The following PIK3C2G variants were observed in gnomAD, a reference collection of about 807,000 sequenced individuals.
The protein encoded by PIK3C2G is phosphatidylinositol-4-phosphate 3-kinase catalytic subunit type 2 gamma.
PIK3C2G carries 168 observed loss-of-function variants against 181.1 expected under a neutral mutation model. The observed-to-expected ratio is 0.93, with a 90% CI of 0.82 to 1.05. PIK3C2G has a LOEUF of 1.05. Ranked by LOEUF, PIK3C2G falls within the 50% of genes least tolerant of loss-of-function variation. The pLI, the probability that PIK3C2G is intolerant of heterozygous loss-of-function variation, is 0.00. For synonymous variants in PIK3C2G, 573 were observed against 592.2 expected (o/e 0.97, Z 0.47); for missense variants, 1,869 against 1,732.8 (o/e 1.08, Z -1.40).
chr12:18,690,149 GAT>G, the PIK3C2G span, among the ~76,000 whole-genome samples: 1 of 152,124 alleles, frequency 6.6e-6, no homozygotes, highest in Non-Finnish European at 1.5e-5. Context: ...AATGAACCTA[GAT>G]ATATTGGGCA....
At position 18,346,716 on chromosome 12, in the gene PIK3C2G, A is replaced by G. The variant is rs752464101; in HGVS notation, c.1505A>G (p.Tyr502Cys). ...QLINVYCNSFYADFQPVNVPR... is the reference protein window; with the variant it reads ...QLINVYCNSFCADFQPVNVPR... ...ATCAATGTCTACTGTAACAGCTTTT[A>G]TGCAGATTTTCAGCCTGTAAATGTA... is the stretch of plus-strand genomic sequence containing the variant. The change falls in exon 11 of 33, where the codon TAT becomes TGT. Residue 502 changes from tyrosine to cysteine, a missense_variant. Transcript: ENST00000538779. The G allele has an allele frequency of 1.6e-5, 26 of 1,613,318 alleles. No homozygotes were observed. Among genetic ancestry groups the G allele is most frequent in the Non-Finnish European group, 2.1e-5 (25 of 1,179,474 alleles).
chr12:18,634,668 C>T (rs971898236), intron 31 of PIK3C2G, among the ~76,000 whole-genome samples: 12 of 152,102 alleles, frequency 7.9e-5, no homozygotes, highest in Non-Finnish European at 5.9e-5. Flanking sequence ...AATAAAAGTC[C>T]GTGTTGCTGA....
At chr12:18,535,311 A>T (rs1657607532) in intron 24 of PIK3C2G, among the ~76,000 whole-genome samples, 1 of 152,124 alleles carries the variant, frequency 6.6e-6, no homozygotes, top group South Asian at 2.1e-4. Context: ...TATAGAAAAG[A>T]TACAGAATTT....
intron 16 of PIK3C2G, among the ~76,000 whole-genome samples, chr12:18,406,077 G>A (rs934453368): frequency 6.6e-6 from 1 of 151,832 alleles, no homozygotes; most frequent in African/African-American, 2.4e-5. Flanking sequence ...TTTCCATTCC[G>A]TTTTTATGAC....
At chr12:18,596,746 T>C (rs1438834859) in intron 30 of PIK3C2G, among the ~76,000 whole-genome samples, 1 of 152,062 alleles carries the variant, frequency 6.6e-6, no homozygotes, top group African/African-American at 2.4e-5. Context: ...AAAGAGAACT[T>C]GAGGCCATGC....
chr12:18,663,327 T>C, the PIK3C2G span, among the ~76,000 whole-genome samples: 2 of 152,066 alleles, frequency 1.3e-5, no homozygotes, highest in African/African-American at 4.8e-5. Context: ...TAGAAAACCA[T>C]GAGTCCAGAA....
At chr12:18,617,489 T>A (rs752509614) in intron 31 of PIK3C2G, among the ~76,000 whole-genome samples, 6 of 152,180 alleles carry the variant, frequency 3.9e-5, no homozygotes, top group Non-Finnish European at 8.8e-5. Context: ...ATTCACAAAA[T>A]AGTAAACTGA....
chr12:18,357,362 TTTAAGTTAAAAATA>T (rs1940838260), intron 11 of PIK3C2G, among the ~76,000 whole-genome samples: 1 of 152,092 alleles, frequency 6.6e-6, no homozygotes, highest in Non-Finnish European at 1.5e-5. Flanking sequence ...ATGTTTTACA[TTTAAGTTAAAAATA>T]TTCAAACACA....
At chr12:18,319,092 A>T (rs1950995330) in intron 6 of PIK3C2G, among the ~76,000 whole-genome samples, 1 of 152,070 alleles carries the variant, frequency 6.6e-6, no homozygotes, top group Non-Finnish European at 1.5e-5. Flanking sequence ...CTCAAAAAAA[A>T]ATAAATAAAT....
At chr12:18,659,822 G>A in the PIK3C2G span, among the ~76,000 whole-genome samples, 1 of 151,974 alleles carries the variant, frequency 6.6e-6, no homozygotes, top group Non-Finnish European at 1.5e-5. Context: ...TAAAATAAAG[G>A]AGAAATTAAG....
chr12:18,508,648 G>T (rs955393260), intron 24 of PIK3C2G, among the ~76,000 whole-genome samples: 7 of 152,118 alleles, frequency 4.6e-5, no homozygotes, highest in African/African-American at 1.7e-4. Context: ...TATGCTGGAG[G>T]TTGCAAATTT....
At chr12:18,520,040 C>T (rs534176113) in intron 24 of PIK3C2G, among the ~76,000 whole-genome samples, 3 of 148,244 alleles carry the variant, frequency 2.0e-5, no homozygotes, top group Non-Finnish European at 3.0e-5. Context: ...TGTTGAATAT[C>T]GGCCACCCCT....
chr12:18,413,438 A>AT, intron 16 of PIK3C2G, among the ~76,000 whole-genome samples: 1 of 152,206 alleles, frequency 6.6e-6, no homozygotes, highest in East Asian at 1.9e-4. Flanking sequence ...TTTAAGAAGT[A>AT]TTTTTTTCAT....
At chr12:18,440,902 TAAAAATGAGA>T (rs1946712904) in intron 18 of PIK3C2G, among the ~76,000 whole-genome samples, 1 of 152,084 alleles carries the variant, frequency 6.6e-6, no homozygotes, top group Admixed American at 6.6e-5. Flanking sequence ...GGGCTAGAAC[TAAAAATGAGA>T]AAATTATCAA....
intron 16 of PIK3C2G, among the ~76,000 whole-genome samples, chr12:18,420,692 C>T (rs1945432041): frequency 6.6e-6 from 1 of 151,930 alleles, no homozygotes; most frequent in African/African-American, 2.4e-5. Context: ...GATAAGAAAG[C>T]CGGCAGGAAT....
intron 24 of PIK3C2G, among the ~76,000 whole-genome samples, chr12:18,509,421 GA>G (rs1421188184): frequency 6.6e-6 from 1 of 152,124 alleles, no homozygotes; most frequent in Non-Finnish European, 1.5e-5. Context: ...ATATAAGAAG[GA>G]TCTTGAGAAA....
intron 5 of PIK3C2G, among the ~76,000 whole-genome samples, chr12:18,303,100 C>CTCTTTTTCTTTCTTTCTT (rs1555153498): frequency 4.0e-5 from 3 of 75,068 alleles, no homozygotes; most frequent in African/African-American, 1.7e-4. Flanking sequence ...TCTTTTCTTT[C>CTCTTTTTCTTTCTTTCTT]TCTTTCTTTC....
intron 30 of PIK3C2G, among the ~76,000 whole-genome samples, chr12:18,601,961 G>T (rs752525001): frequency 6.6e-6 from 1 of 152,134 alleles, no homozygotes; most frequent in Non-Finnish European, 1.5e-5. Context: ...GGCCAGAGGA[G>T]GGGGTAAAAC....
intron 12 of PIK3C2G, among the ~76,000 whole-genome samples, chr12:18,367,544 T>C (rs1156656915): frequency 6.6e-6 from 1 of 152,088 alleles, no homozygotes; most frequent in Non-Finnish European, 1.5e-5. Flanking sequence ...TAATTTTTTA[T>C]TTTTATTTTT....
Sources: allele counts gnomAD v4.1 joint callset (sites outside exome capture counted in the v4.1 genomes callset), GRCh38; gene constraint gnomAD v4.1.1; transcripts MANE v1.5; gene names NCBI Gene and HGNC (gene_info 2026-07-23, HGNC 2026-07-21).